The following ESR1 variants were observed in gnomAD, a reference collection of about 807,000 sequenced individuals.
ESR1 encodes the protein estrogen receptor 1.
ESR1 carries 12 observed loss-of-function variants against 52.7 expected under a neutral mutation model. The ratio of observed to expected loss-of-function variants is 0.23; its 90% CI spans 0.15 to 0.37. The LOEUF (loss-of-function observed/expected upper bound fraction) is 0.37. ESR1 is among the 10% of genes least tolerant of loss of function. ESR1 has a pLI of 1.00. For missense variants in ESR1, 584 were observed against 779.7 expected, an observed-to-expected ratio of 0.75 and a Z score of 2.99; for synonymous variants, 305 against 316.8, an observed-to-expected ratio of 0.96 and a Z score of 0.39.
intron 4 of ESR1, among the ~76,000 whole-genome samples, chr6:151,970,065 C>T (rs536330865): frequency 5.3e-5 from 8 of 152,170 alleles, no homozygotes; most frequent in South Asian, 2.1e-4. Flanking sequence ...TTCACCTTCC[C>T]GTTATTTCTT....
intron 2 of ESR1, among the ~76,000 whole-genome samples, chr6:151,877,559 G>T (rs1792068797): frequency 6.6e-6 from 1 of 152,040 alleles, no homozygotes; most frequent in Admixed American, 6.6e-5. Flanking sequence ...TAAAAATCTA[G>T]TACCTTTTAT....
intron 2 of ESR1, among the ~76,000 whole-genome samples, chr6:151,737,596 T>C (rs544531171): frequency 1.3e-5 from 2 of 152,324 alleles, no homozygotes; most frequent in Admixed American, 1.3e-4. Context: ...CAAAGTATTG[T>C]GCAGTGGAAA....
intron 3 of ESR1, among the ~76,000 whole-genome samples, chr6:151,929,464 T>G (rs777005842): frequency 2.0e-5 from 3 of 152,144 alleles, no homozygotes; most frequent in Non-Finnish European, 2.9e-5. Context: ...ACATTTAAAG[T>G]GGGCATTATT....
intron 3 of ESR1, among the ~76,000 whole-genome samples, chr6:151,904,470 C>T (rs1797145615): frequency 6.6e-6 from 1 of 151,894 alleles, no homozygotes; most frequent in Non-Finnish European, 1.5e-5. Flanking sequence ...TATTTTGTTT[C>T]GTGGGGGATT....
chr6:151,889,234 A>T (rs1042665343), intron 3 of ESR1, among the ~76,000 whole-genome samples: 1 of 152,112 alleles, frequency 6.6e-6, no homozygotes, highest in African/African-American at 2.4e-5. Flanking sequence ...GAGTTTGAGG[A>T]TTGGTATTAG....
chr6:151,688,719 A>T (rs1778782871), upstream of ESR1, among the ~76,000 whole-genome samples: 1 of 152,218 alleles, frequency 6.6e-6, no homozygotes, highest in African/African-American at 2.4e-5. Flanking sequence ...AGTATAACAC[A>T]TATTTACTTC....
In ESR1 at chr6:151,850,055, T is replaced by TAC. The variant is rs1231471925; in HGVS notation, c.643+7269_643+7270insCA. ...ATATATATATATAATTTTATATATA[T>TAC]ATAATTTTATATATATATAAAAAAT... On this transcript the variant is annotated intron_variant, in intron 2 of 7. Transcript: ENST00000206249. Among the ~76,000 whole-genome samples, 1,214 of 121,890 alleles carry TAC rather than the reference T, an allele frequency of 1.0e-2. 46 individuals carry two copies. The highest frequency in any genetic ancestry group is 0.017 in the Non-Finnish European group (1,002 of 58,232). 80.0% of individuals were successfully genotyped at this position (121,890 alleles called of 152,430 possible).
intron 6 of ESR1, among the ~76,000 whole-genome samples, chr6:152,074,881 G>A (rs2048613060): frequency 1.3e-5 from 2 of 152,142 alleles, no homozygotes; most frequent in African/African-American, 4.8e-5. Context: ...CCATCTGTGT[G>A]TCTTCTGTGG....
chr6:151,792,585 G>A (rs532062), intron 2 of ESR1, among the ~76,000 whole-genome samples: 3,359 of 152,006 alleles, frequency 0.022, 57 homozygotes, highest in South Asian at 0.052. Context: ...TACTGCAGAC[G>A]TACACTACTG....
At chr6:151,686,064 A>ATTTTTTTTTTTTTTTTTTTTTTTTTT (rs557270210), upstream of ESR1, among the ~76,000 whole-genome samples, 36 of 114,336 alleles carry the variant, frequency 3.1e-4, no homozygotes, top group African/African-American at 1.3e-3. Flanking sequence ...AATTAAAACA[A>ATTTTTTTTTTTTTTTTTTTTTTTTTT]TTTTTTTTTT....
chr6:151,962,783 G>T (rs2037823393), intron 4 of ESR1, among the ~76,000 whole-genome samples: 1 of 152,124 alleles, frequency 6.6e-6, no homozygotes, highest in Non-Finnish European at 1.5e-5. Context: ...TTCTTTTATG[G>T]GGTAAGGGTA....
chr6:152,061,137 CA>C lies in ESR1; in HGVS notation c.1369+14del, dbSNP rs770979568. On this transcript the variant is annotated intron_variant, in intron 6 of 7. Transcript: ENST00000206249. The surrounding 1 kb of genome is among the most constrained non-coding windows in gnomAD (Gnocchi z 4.3). Reference sequence around the variant, plus strand: ...TTGCTTAATTCTGGTGAGTTGATAACACAAGATAACTCAATGCTGGATGAAA... The same window carrying C: ...TTGCTTAATTCTGGTGAGTTGATAACCAAGATAACTCAATGCTGGATGAAA... 25 of 1,612,060 alleles carry C rather than the reference CA, an allele frequency of 1.6e-5. No homozygotes were observed. The highest frequency in any genetic ancestry group is 2.1e-5 in the Non-Finnish European group (25 of 1,178,420).
In ESR1 at chr6:152,101,403, CGA is replaced by C. The variant is rs2050960873; in HGVS notation, c.*2438_*2439del. 1 of 232,590 alleles carries C rather than the reference CGA, an allele frequency of 4.3e-6. No individual in the cohort carries two copies. Among genetic ancestry groups the C allele is most frequent in the African/African-American group, 2.2e-5 (1 of 45,256 alleles). 14.4% of individuals were successfully genotyped at this position (232,590 alleles called of 1,614,324 possible). A position where few individuals can be genotyped will look rare whatever the true frequency, so the allele number is the denominator to read the frequency against. ...ACAAAAAAAAATTTCTAGGACTAGA[CGA>C]TGTAATACCAGCTAAAGCCAAACAA... On this transcript the variant is annotated 3_prime_UTR_variant, in exon 8 of 8. Coordinates refer to ENST00000206249, the MANE Select transcript of ESR1 (RefSeq NM_000125.4).
intron 2 of ESR1, among the ~76,000 whole-genome samples, chr6:151,774,829 A>G (rs542744254): frequency 6.6e-6 from 1 of 152,354 alleles, no homozygotes; most frequent in South Asian, 2.1e-4. Flanking sequence ...AAATAACTGT[A>G]CATAACCATA....
At chr6:151,958,741 A>T (rs1375458598) in intron 4 of ESR1, among the ~76,000 whole-genome samples, 1 of 152,212 alleles carries the variant, frequency 6.6e-6, no homozygotes, top group Non-Finnish European at 1.5e-5. Flanking sequence ...AATTATCTGT[A>T]CGTGAGAGAA....
intron 4 of ESR1, among the ~76,000 whole-genome samples, chr6:151,952,234 T>G (rs556519576): frequency 1.1e-4 from 16 of 152,284 alleles, no homozygotes; most frequent in African/African-American, 3.1e-4. Flanking sequence ...CCCCTAAAGT[T>G]TAAAATGCAG....
chr6:152,074,076 G>A (rs1585116894), intron 6 of ESR1, among the ~76,000 whole-genome samples: 1 of 152,090 alleles, frequency 6.6e-6, no homozygotes, highest in East Asian at 1.9e-4. Flanking sequence ...TCCCCAACCA[G>A]AGAGGTACAT....
In ESR1 at chr6:151,940,935, T is replaced by C. The variant is rs116898274; in HGVS notation, c.761-3238T>C. Among the ~76,000 whole-genome samples the C allele has an allele frequency of 4.6e-5, 7 of 152,334 alleles. No homozygotes were observed. The East Asian group carries it at 1.3e-3, about 29-fold the overall frequency. On this transcript the variant is annotated intron_variant, in intron 3 of 7. Coordinates refer to ENST00000206249, the MANE Select transcript of ESR1 (RefSeq NM_000125.4). Reference sequence around the variant, plus strand: ...ATTACTGCCAATATCAGTTTCTGAATTGATTCTAAAATTCTTCTGCTGGAA... The same window carrying C: ...ATTACTGCCAATATCAGTTTCTGAACTGATTCTAAAATTCTTCTGCTGGAA...
chr6:151,878,146 T>C (rs1477655192), intron 2 of ESR1, among the ~76,000 whole-genome samples: 1 of 152,192 alleles, frequency 6.6e-6, no homozygotes, highest in African/African-American at 2.4e-5. Context: ...AGCTGAAATA[T>C]ATCAGCATAT....
Sources: gnomAD v4.1 joint callset for allele counts (sites outside exome capture counted in the v4.1 genomes callset) on GRCh38, gnomAD v4.1.1 for gene constraint, Gnocchi (gnomAD v3.1) non-coding constraint, MANE v1.5 for transcripts, NCBI Gene and HGNC (gene_info 2026-07-23, HGNC 2026-07-21) for gene names.